Variants in CHL1 observed in about 807,000 individuals in gnomAD.
CHL1 encodes cell adhesion molecule L1 like.
A neutral mutation model predicts 141.9 loss-of-function variants in CHL1; 96 were observed. That is an observed-to-expected ratio of 0.68 (90% CI 0.57 to 0.80). The LOEUF is 0.80. CHL1 is among the 30% of genes least tolerant of loss of function. CHL1 has a pLI of 0.00. For missense variants in CHL1, 1,820 were observed against 1,457.2 expected, an observed-to-expected ratio of 1.25 and a Z score of -4.05; for synonymous variants, 613 against 502.2, an observed-to-expected ratio of 1.22 and a Z score of -2.95.
intron 25 of CHL1, 107 bp downstream of exon 25, chr3:398,492 A>G: frequency 1.7e-6 from 1 of 604,194 alleles, no homozygotes; most frequent in South Asian, 4.1e-5. Flanking sequence ...GAGTGTATTA[A>G]TTATGAAAAT....
chr3:219,553 C>G (rs1700641672), intron 1 of CHL1, among the ~76,000 whole-genome samples: 1 of 152,124 alleles, frequency 6.6e-6, no homozygotes. Context: ...ATGGATGGAG[C>G]TGGAGGCTAT....
chr3:382,654 A>G lies in CHL1; in HGVS notation c.2159A>G (p.His720Arg). 3 of 1,613,708 alleles carry G rather than the reference A, an allele frequency of 1.9e-6. No homozygotes were observed. Among genetic ancestry groups the G allele is most frequent in the Non-Finnish European group, 2.5e-6 (3 of 1,179,736 alleles). Reference sequence around the variant, plus strand: ...CAGCCTAGCCAGCCGTCAGACCATCATGAAACACCACCAGCAGGTATGCAG... The same window carrying G: ...CAGCCTAGCCAGCCGTCAGACCATCGTGAAACACCACCAGCAGGTATGCAG... ...RSQPSQPSDH[H>R]ETPPAAPDRN... The change falls in exon 18 of 28, where the codon CAT (histidine) becomes CGT (arginine). Residue 720 changes from histidine (H) to arginine (R), a missense_variant. Physicochemically the swap from His to Arg is conservative, Grantham distance 29. Transcript: ENST00000256509.
At chr3:354,101 CA>C (rs948665627) in intron 10 of CHL1, among the ~76,000 whole-genome samples, 7 of 151,804 alleles carry the variant, frequency 4.6e-5, no homozygotes, top group East Asian at 1.9e-4. Flanking sequence ...TCCCCTCTTA[CA>C]AAAAAACTCT....
At chr3:357,837 T>C (rs1479284984) in intron 11 of CHL1, among the ~76,000 whole-genome samples, 1 of 152,218 alleles carries the variant, frequency 6.6e-6, no homozygotes, top group Non-Finnish European at 1.5e-5. Flanking sequence ...TTCAGAGCCA[T>C]GCATGGATCA....
intron 27 of CHL1, among the ~76,000 whole-genome samples, chr3:404,943 G>A (rs1709416095): frequency 6.6e-6 from 1 of 152,132 alleles, no homozygotes; most frequent in Non-Finnish European, 1.5e-5. Flanking sequence ...TCAATGTCTG[G>A]TGAACGCTCA....
chr3:274,862 T>C (rs1455514646), intron 2 of CHL1, among the ~76,000 whole-genome samples: 1 of 152,220 alleles, frequency 6.6e-6, no homozygotes, highest in Non-Finnish European at 1.5e-5. Context: ...TCTTATTGAA[T>C]CCTGTTGCTT....
intron 12 of CHL1, among the ~76,000 whole-genome samples, chr3:360,805 T>C (rs1387521641): frequency 2.9e-5 from 4 of 139,174 alleles, no homozygotes; most frequent in South Asian, 2.4e-4. Flanking sequence ...TGTGATCTCA[T>C]TGTTCAATTC....
rs541448483 is a variant in CHL1, at chr3:393,313, G to A, written c.2915-1380G>A. ...TTGAGCTCTTAACCTTATATTAGTC[G>A]ATGAACTGGTTTTCAAAAAAATTGT... is the stretch of plus-strand genomic sequence containing the variant. On this transcript the variant is annotated intron_variant, in intron 23 of 27. Transcript: ENST00000256509. Among the ~76,000 whole-genome samples, 9 of 150,670 alleles carry A rather than the reference G, an allele frequency of 6.0e-5. No homozygotes were observed. In the South Asian group the frequency reaches 1.3e-3, roughly 21 times the overall value.
At chr3:253,958 A>C (rs1043820840) in intron 2 of CHL1, among the ~76,000 whole-genome samples, 1 of 151,740 alleles carries the variant, frequency 6.6e-6, no homozygotes, top group Non-Finnish European at 1.5e-5. Context: ...TATTATATAC[A>C]TTTTGAACTT....
intron 27 of CHL1, among the ~76,000 whole-genome samples, chr3:404,452 A>T (rs1344813767): frequency 6.6e-6 from 1 of 152,152 alleles, no homozygotes; most frequent in African/African-American, 2.4e-5. Flanking sequence ...TGTAATACTA[A>T]TTGGTACTTA....
chr3:275,616 G>A (rs1696024804), intron 2 of CHL1, among the ~76,000 whole-genome samples: 1 of 152,136 alleles, frequency 6.6e-6, no homozygotes, highest in Non-Finnish European at 1.5e-5. Flanking sequence ...GACATCATAG[G>A]CAGGGAAGAG....
chr3:272,909 C>T (rs573809046), intron 2 of CHL1, among the ~76,000 whole-genome samples: 25 of 152,230 alleles, frequency 1.6e-4, no homozygotes, highest in African/African-American at 6.0e-4. Context: ...ACAGTCTAAT[C>T]TAGGGAGATG....
chr3:353,133 C>A (rs1002014850), intron 10 of CHL1, among the ~76,000 whole-genome samples: 1 of 152,084 alleles, frequency 6.6e-6, no homozygotes, highest in Admixed American at 6.6e-5. Context: ...ACTAATATTA[C>A]TAATAGTCCT....
chr3:405,534 C>T lies in CHL1; in HGVS notation c.3498C>T (p.Ser1166=). Residue 1166 remains serine (S), a synonymous_variant, in exon 28 of 28, where the codon TCC becomes TCT. Coordinates refer to ENST00000256509, the MANE Select transcript of CHL1 (RefSeq NM_006614.4). The part of the protein sequence containing the change: ...DEKPLKGSLR[S]LNRDMQPTES... ...AGCCTCTCAAAGGAAGCCTTCGGTC[C>T]CTTAATAGGGATATGCAGCCTACTG... 6 of 1,613,166 alleles carry T rather than the reference C, an allele frequency of 3.7e-6. No homozygotes were observed. The highest frequency in any genetic ancestry group is 5.1e-6 in the Non-Finnish European group (6 of 1,179,422).
chr3:394,887 C>G lies in CHL1; in HGVS notation c.3094+15C>G, dbSNP rs1323240114. ...AGGAGAAGGGAGTAAGTACATGAGG[C>G]TTCTCTTTTTAATAGAGGCTTTAAA... On this transcript the variant is annotated intron_variant, in intron 24 of 27. Coordinates refer to ENST00000256509, the MANE Select transcript of CHL1 (RefSeq NM_006614.4). 8 of 1,576,688 alleles carry G rather than the reference C, an allele frequency of 5.1e-6. No homozygotes were observed. In the South Asian group the frequency reaches 9.4e-5, roughly 19 times the overall value.
intron 5 of CHL1, among the ~76,000 whole-genome samples, chr3:328,783 C>G (rs1022014851): frequency 3.3e-5 from 5 of 152,134 alleles, no homozygotes; most frequent in Non-Finnish European, 7.4e-5. Context: ...GAGACATCGT[C>G]ATTCTGTGGT....
At chr3:261,860 G>C (rs1694757096) in intron 2 of CHL1, among the ~76,000 whole-genome samples, 1 of 152,074 alleles carries the variant, frequency 6.6e-6, no homozygotes, top group South Asian at 2.1e-4. Context: ...AACAATATAT[G>C]TTCTTAATAA....
rs1419779871 is a variant in CHL1 at position 399,056 on chromosome 3, G to A, written c.3293G>A (p.Trp1098Ter). The A allele has an allele frequency of 6.2e-7, 1 of 1,612,046 alleles. No individual in the cohort carries two copies. The highest frequency in any genetic ancestry group is 8.5e-7 in the Non-Finnish European group (1 of 1,178,180). ...GLYDDISTQGWFIGLMCAIAL... is the reference protein window; with the variant it reads ...GLYDDISTQG ...TATGATGACATCTCCACTCAAGGCT[G>A]GTTTATTGGACTGATGTGTGCGATT... Residue 1098 changes from tryptophan to a stop codon, truncating the protein, a stop_gained, in exon 26 of 28, where the codon TGG (tryptophan) becomes TAG (stop). Coordinates refer to ENST00000256509, the MANE Select transcript of CHL1 (RefSeq NM_006614.4). LOFTEE classifies it high-confidence loss of function.
chr3:324,239 C>T (rs926294527), intron 3 of CHL1, among the ~76,000 whole-genome samples: 3 of 152,174 alleles, frequency 2.0e-5, no homozygotes, highest in Admixed American at 1.3e-4. Context: ...GTTTTAGGGC[C>T]TCATTTGCAA....
Sources: gnomAD v4.1 joint callset for allele counts (sites outside exome capture counted in the v4.1 genomes callset) on GRCh38, gnomAD v4.1.1 for gene constraint, MANE v1.5 for transcripts, NCBI Gene and HGNC (gene_info 2026-07-23, HGNC 2026-07-21) for gene names.